Variants in TMEM117 observed in about 807,000 individuals in gnomAD.
The protein encoded by TMEM117 is transmembrane protein 117.
A neutral mutation model predicts 52.4 loss-of-function variants in TMEM117; 27 were observed. The ratio of observed to expected loss-of-function variants is 0.51; its 90% CI spans 0.38 to 0.71. The LOEUF (loss-of-function observed/expected upper bound fraction) is 0.71, where lower values mean the gene tolerates loss of function less well. Ranked by LOEUF, TMEM117 falls within the 30% of genes least tolerant of loss-of-function variation. The pLI is 0.00. For synonymous variants in TMEM117, 215 were observed against 206.3 expected (o/e 1.04, Z -0.36); for missense variants, 556 against 630.5 (o/e 0.88, Z 1.26).
chr12:43,804,776 TTAA>T, the TMEM117 span, among the ~76,000 whole-genome samples: 1 of 152,242 alleles, frequency 6.6e-6, no homozygotes, highest in Non-Finnish European at 1.5e-5. Flanking sequence ...TAAAAGTATG[TTAA>T]TAATTCTAAT....
rs565683638 is a variant in TMEM117, at chr12:44,193,919, C to CAA, written c.511-17367_511-17366dup. Among the ~76,000 whole-genome samples, 548 of 152,178 alleles carry CAA rather than the reference C, an allele frequency of 3.6e-3. 7 individuals carry two copies. Among genetic ancestry groups the CAA allele is most frequent in the Non-Finnish European group, 6.4e-3 (438 of 67,994 alleles). ...TTACTGATAAACATGACTGCATAAT[C>CAA]AAAAATTACAAAACACAGAAACAAG... On this transcript the variant is annotated intron_variant, in intron 4 of 7. Transcript: ENST00000266534.
intron 3 of TMEM117, among the ~76,000 whole-genome samples, chr12:44,089,108 G>A (rs1401267508): frequency 1.3e-5 from 2 of 152,060 alleles, no homozygotes; most frequent in African/African-American, 2.4e-5. Flanking sequence ...AAGACAATAT[G>A]GATCACAGGT....
intron 5 of TMEM117, among the ~76,000 whole-genome samples, chr12:44,283,167 C>T (rs1476334953): frequency 6.6e-6 from 1 of 152,226 alleles, no homozygotes; most frequent in East Asian, 1.9e-4. Context: ...CATGGAGAAC[C>T]TTTGCTAGGG....
chr12:43,920,510 A>T (rs1372236201), intron 2 of TMEM117, among the ~76,000 whole-genome samples: 2 of 151,728 alleles, frequency 1.3e-5, no homozygotes, highest in African/African-American at 4.8e-5. Flanking sequence ...GAGACTCAAA[A>T]AAATGACTTT....
At chr12:44,010,883 A>AT (rs1247501658) in intron 3 of TMEM117, among the ~76,000 whole-genome samples, 2 of 152,228 alleles carry the variant, frequency 1.3e-5, no homozygotes, top group East Asian at 3.8e-4. Context: ...AATCAGATAC[A>AT]TTTTTGCTCT....
At chr12:44,068,067 A>C (rs188720420) in intron 3 of TMEM117, among the ~76,000 whole-genome samples, 6 of 152,106 alleles carry the variant, frequency 3.9e-5, no homozygotes. Context: ...GCATGATCCA[A>C]CCTCTGCTAA....
chr12:44,207,763 A>G (rs1232217325), intron 4 of TMEM117, among the ~76,000 whole-genome samples: 1 of 152,032 alleles, frequency 6.6e-6, no homozygotes, highest in Non-Finnish European at 1.5e-5. Context: ...GTGATTAATA[A>G]GAAAACAAGG....
intron 4 of TMEM117, among the ~76,000 whole-genome samples, chr12:44,167,173 T>A (rs942048205): frequency 6.6e-6 from 1 of 152,206 alleles, no homozygotes; most frequent in African/African-American, 2.4e-5. Context: ...TAATTTGTTA[T>A]ATACCATATT....
intron 3 of TMEM117, among the ~76,000 whole-genome samples, chr12:44,042,761 TACACACACACACACACACACACACACAC>T: frequency 7.6e-6 from 1 of 132,154 alleles, no homozygotes; most frequent in African/African-American, 2.8e-5. Context: ...CTTAATAAAC[TACACACACACACACACACACACACACAC>T]ACACACACAC....
chr12:43,950,387 T>C, intron 3 of TMEM117, among the ~76,000 whole-genome samples: 1 of 151,532 alleles, frequency 6.6e-6, no homozygotes, highest in East Asian at 1.9e-4. Context: ...AGGAACAAAA[T>C]GACTTTAAAC....
intron 3 of TMEM117, among the ~76,000 whole-genome samples, chr12:43,995,196 G>A (rs1193247359): frequency 1.6e-4 from 25 of 151,878 alleles, no homozygotes; most frequent in Non-Finnish European, 1.5e-5. Flanking sequence ...GCTTGGACCC[G>A]GGAGGCGGAG....
chr12:43,854,177 C>A (rs530330871), intron 2 of TMEM117, among the ~76,000 whole-genome samples: 6 of 152,196 alleles, frequency 3.9e-5, no homozygotes, highest in African/African-American at 1.4e-4. Flanking sequence ...CAAGATTAAT[C>A]TTGAAGCAGA....
intron 6 of TMEM117, among the ~76,000 whole-genome samples, chr12:44,350,696 T>C (rs1592711013): frequency 6.6e-6 from 1 of 152,120 alleles, no homozygotes; most frequent in African/African-American, 2.4e-5. Flanking sequence ...GATGGCAGGA[T>C]CTCATTGTTT....
At chr12:43,934,523 C>T (rs2137588861) in intron 2 of TMEM117, among the ~76,000 whole-genome samples, 1 of 152,194 alleles carries the variant, frequency 6.6e-6, no homozygotes, top group East Asian at 1.9e-4. Context: ...TTGACATTAA[C>T]TTTAGTTAAA....
intron 4 of TMEM117, among the ~76,000 whole-genome samples, chr12:44,145,689 C>A (rs1948632902): frequency 6.6e-6 from 1 of 152,182 alleles, no homozygotes; most frequent in African/African-American, 2.4e-5. Context: ...TAAGTGTGAG[C>A]AGCCCACCTT....
intron 7 of TMEM117, among the ~76,000 whole-genome samples, chr12:44,382,336 A>T (rs1353007126): frequency 6.6e-6 from 1 of 152,190 alleles, no homozygotes. Context: ...TTGAAACATG[A>T]ACATTTTGCT....
chr12:44,318,714 G>A (rs1414801466), intron 6 of TMEM117, among the ~76,000 whole-genome samples: 1 of 152,026 alleles, frequency 6.6e-6, no homozygotes, highest in Admixed American at 6.5e-5. Context: ...AGGAAGGGTG[G>A]GGCAGCTCAG....
intron 3 of TMEM117, among the ~76,000 whole-genome samples, chr12:43,991,437 TTATCTATC>T (rs58794606): frequency 0.64 from 95,678 of 150,062 alleles, 34,335 homozygotes; most frequent in East Asian, 0.79. Context: ...ATATTTATTG[TTATCTATC>T]TATCTATCTA....
rs1282824734 is a variant in TMEM117 at position 43,846,814 on chromosome 12, A to G, written c.277+1886A>G. On this transcript the variant is annotated intron_variant, in intron 2 of 7. Coordinates refer to ENST00000266534, the MANE Select transcript of TMEM117 (RefSeq NM_032256.3). ...TAGAGTTTGGGTTAGAAACCATGGC[A>G]ATGTTTTAAGGAATAAATAAATAAA... 4.3e-4 allele frequency among the ~76,000 whole-genome samples: 65 copies of G among 152,180 alleles called. 2 individuals carry two copies. Among genetic ancestry groups the G allele is most frequent in the Non-Finnish European group, 1.5e-5 (1 of 68,034 alleles).
Sources: allele counts gnomAD v4.1 joint callset (sites outside exome capture counted in the v4.1 genomes callset), GRCh38; gene constraint gnomAD v4.1.1; transcripts MANE v1.5; gene names NCBI Gene and HGNC (gene_info 2026-07-23, HGNC 2026-07-21).